The following ABLIM1 variants were observed in gnomAD, a reference collection of about 807,000 sequenced individuals.
ABLIM1 encodes the protein actin binding LIM protein 1.
In ABLIM1, 40 loss-of-function variants were observed where a neutral mutation model predicts 107.0. The observed-to-expected ratio is 0.37, with a 90% CI of 0.29 to 0.49. ABLIM1 has a LOEUF of 0.49. Ranked by LOEUF, ABLIM1 falls within the 20% of genes least tolerant of loss-of-function variation. The pLI is 0.97. For missense variants in ABLIM1, 857 were observed against 1,008.5 expected (o/e 0.85, Z 2.04); for synonymous variants, 357 against 357.3 (o/e 1.00, Z 0.01).
chr10:114,706,395 C>G (rs2081421821), intron 1 of ABLIM1, among the ~76,000 whole-genome samples: 1 of 152,198 alleles, frequency 6.6e-6, no homozygotes, highest in Non-Finnish European at 1.5e-5. Flanking sequence ...GTGGAATACG[C>G]TTATCAATAA....
At chr10:114,635,446 G>A (rs1466197298) in intron 1 of ABLIM1, among the ~76,000 whole-genome samples, 2 of 152,342 alleles carry the variant, frequency 1.3e-5, no homozygotes, top group East Asian at 3.9e-4. Context: ...TGCACCTGTA[G>A]TGCAGGAATT....
At chr10:114,668,412 A>T (rs751602423) in intron 1 of ABLIM1, among the ~76,000 whole-genome samples, 3 of 152,198 alleles carry the variant, frequency 2.0e-5, no homozygotes. Flanking sequence ...GATGGGCACT[A>T]TTTATAGGAG....
intron 6 of ABLIM1, among the ~76,000 whole-genome samples, chr10:114,535,468 G>T (rs2065900665): frequency 2.6e-5 from 4 of 152,126 alleles, no homozygotes; most frequent in Admixed American, 2.0e-4. Flanking sequence ...AAGCCACCAT[G>T]CCCGGCTAAT....
chr10:114,626,312 T>C (rs1010804290), intron 1 of ABLIM1, among the ~76,000 whole-genome samples: 1 of 152,202 alleles, frequency 6.6e-6, no homozygotes, highest in South Asian at 2.1e-4. Flanking sequence ...AGGTGTGGTG[T>C]TGGCTTCCCT....
intron 1 of ABLIM1, among the ~76,000 whole-genome samples, chr10:114,724,107 A>G (rs1404891554): frequency 6.6e-6 from 1 of 152,164 alleles, no homozygotes. Flanking sequence ...TGGTTGCTTT[A>G]TTAAAAAGAA....
At chr10:114,609,914 G>A (rs1240313560) in intron 1 of ABLIM1, among the ~76,000 whole-genome samples, 1 of 152,168 alleles carries the variant, frequency 6.6e-6, no homozygotes, top group Non-Finnish European at 1.5e-5. Context: ...AGGAAACCAA[G>A]GCTAAGAAGA....
chr10:114,757,470 C>T (rs754951817), intron 1 of ABLIM1, among the ~76,000 whole-genome samples: 2 of 152,208 alleles, frequency 1.3e-5, no homozygotes, highest in African/African-American at 2.4e-5. Context: ...CCCTTCTATA[C>T]TCTTCCTCAT....
chr10:114,444,144 GA>G lies in ABLIM1; in HGVS notation c.1828-11del. 2.8e-6 allele frequency: 3 copies of G among 1,061,436 alleles called. No individual in the cohort carries two copies. The highest frequency in any genetic ancestry group is 4.1e-5 in the South Asian group (2 of 48,588). The allele number at this position is 1,061,436 out of a possible 1,614,324, so 65.8% of individuals were successfully genotyped here. A position where few individuals can be genotyped will look rare whatever the true frequency, so the allele number is the denominator to read the frequency against. On this transcript the variant is annotated splice_polypyrimidine_tract_variant and intron_variant, in intron 16 of 22. Transcript: ENST00000533213. Reference sequence around the variant, plus strand: ...CCAGGCCTGAGTTAAGCTATTCACAGAAAAAAGGAAAAAAAAAAAAAAAAGA... The same window carrying G: ...CCAGGCCTGAGTTAAGCTATTCACAGAAAAAGGAAAAAAAAAAAAAAAAGA...
upstream of ABLIM1, among the ~76,000 whole-genome samples, chr10:114,772,029 T>C (rs997351527): frequency 3.9e-5 from 6 of 152,220 alleles, no homozygotes; most frequent in African/African-American, 7.2e-5. Context: ...AAGCTTCTCA[T>C]GAGTAGCATG....
intron 1 of ABLIM1, among the ~76,000 whole-genome samples, chr10:114,635,872 T>C (rs1256832613): frequency 6.6e-6 from 1 of 152,192 alleles, no homozygotes; most frequent in Admixed American, 6.5e-5. Flanking sequence ...TCTAGCAGAA[T>C]TCAGCCAAAA....
At chr10:114,617,745 CTTAAA>C (rs2077220476) in intron 1 of ABLIM1, among the ~76,000 whole-genome samples, 1 of 152,202 alleles carries the variant, frequency 6.6e-6, no homozygotes, top group East Asian at 1.9e-4. Context: ...CACTATTTCA[CTTAAA>C]TTAACCCTAA....
At chr10:114,489,254 C>A (rs777330215) in intron 7 of ABLIM1, among the ~76,000 whole-genome samples, 1 of 152,090 alleles carries the variant, frequency 6.6e-6, no homozygotes, top group African/African-American at 2.4e-5. Flanking sequence ...TGACCTCAAG[C>A]GATCCACCCA....
chr10:114,780,732 G>C, the ABLIM1 span, among the ~76,000 whole-genome samples: 2 of 152,124 alleles, frequency 1.3e-5, no homozygotes, highest in Non-Finnish European at 2.9e-5. Flanking sequence ...TCCTTCACAG[G>C]TCAAAGCTTT....
rs960292098 is a variant in ABLIM1, at chr10:114,619,609, C to A, written c.245-17648G>T. Among the ~76,000 whole-genome samples, 4 of 152,174 alleles carry A rather than the reference C, an allele frequency of 2.6e-5. No individual in the cohort carries two copies. The highest frequency in any genetic ancestry group is 2.6e-4 in the Admixed American group (4 of 15,278). ...CTGGTCACTGAGGGATGGGACGATG[C>A]ATGGCAGATAGTCCTGGTCCTGATC... is the stretch of plus-strand genomic sequence containing the variant. On this transcript the variant is annotated intron_variant, in intron 1 of 22. Transcript: ENST00000533213. The surrounding 1 kb of genome is among the most constrained non-coding windows in gnomAD (Gnocchi z 4.1).
At chr10:114,469,440 C>A (rs926580633) in intron 10 of ABLIM1, among the ~76,000 whole-genome samples, 3 of 152,198 alleles carry the variant, frequency 2.0e-5, no homozygotes, top group Non-Finnish European at 2.9e-5. Context: ...CACCTCAGGG[C>A]CTTTGCACTT....
At chr10:114,462,542 C>A in intron 12 of ABLIM1, among the ~76,000 whole-genome samples, 1 of 152,106 alleles carries the variant, frequency 6.6e-6, no homozygotes, top group Non-Finnish European at 1.5e-5. Flanking sequence ...CTCTGAGAGT[C>A]GGCTCAAAGA....
intron 1 of ABLIM1, among the ~76,000 whole-genome samples, chr10:114,643,173 A>G (rs563075258): frequency 9.2e-5 from 14 of 152,364 alleles, no homozygotes; most frequent in African/African-American, 3.4e-4. Context: ...ATTAAATAGG[A>G]AACTGACACC....
intron 10 of ABLIM1, among the ~76,000 whole-genome samples, chr10:114,468,525 T>TA (rs1386682056): frequency 6.6e-6 from 1 of 152,008 alleles, no homozygotes. Context: ...CCGCCCCCCT[T>TA]AGCCTCCCAA....
upstream of ABLIM1, among the ~76,000 whole-genome samples, chr10:114,659,952 C>G (rs2079715036): frequency 6.6e-6 from 1 of 152,156 alleles, no homozygotes; most frequent in Admixed American, 6.5e-5. Context: ...GTTACAAGTT[C>G]CTAATCTATT....
Sources: gnomAD v4.1 joint callset for allele counts (sites outside exome capture counted in the v4.1 genomes callset) on GRCh38, gnomAD v4.1.1 for gene constraint, Gnocchi (gnomAD v3.1) non-coding constraint, MANE v1.5 for transcripts, NCBI Gene and HGNC (gene_info 2026-07-23, HGNC 2026-07-21) for gene names.